Variants in WDR41 observed in about 807,000 individuals in gnomAD.
The protein encoded by WDR41 is WD repeat-containing protein 41.
In WDR41, 63 loss-of-function variants were observed where a neutral mutation model predicts 69.3. That is an observed-to-expected ratio of 0.91 (90% CI 0.74 to 1.12). The LOEUF (loss-of-function observed/expected upper bound fraction) is 1.12. Among genes scored for constraint, WDR41 ranks in the 50% most tolerant of loss-of-function variants. WDR41 has a pLI of 0.00. For missense variants in WDR41, 543 were observed against 534.5 expected (o/e 1.02, Z -0.16); for synonymous variants, 185 against 192.1 (o/e 0.96, Z 0.31).
intron 2 of WDR41, among the ~76,000 whole-genome samples, chr5:77,469,180 G>C (rs1245244915): frequency 6.6e-6 from 1 of 152,100 alleles, no homozygotes; most frequent in Non-Finnish European, 1.5e-5. Context: ...CTCATAGGTG[G>C]GAACTGAAGA....
chr5:77,562,121 A>C (rs1743538658), intron 1 of WDR41, among the ~76,000 whole-genome samples: 1 of 152,122 alleles, frequency 6.6e-6, no homozygotes, highest in Admixed American at 6.6e-5. Context: ...TGTGACCTTC[A>C]TGGTGGCTTA....
At chr5:77,451,030 G>A (rs920000994) in intron 7 of WDR41, among the ~76,000 whole-genome samples, 9 of 152,134 alleles carry the variant, frequency 5.9e-5, no homozygotes, top group Non-Finnish European at 1.3e-4. Context: ...ATATTATGAA[G>A]TGATCTTGAG....
At chr5:77,476,539 A>AT (rs1303789691) in intron 2 of WDR41, among the ~76,000 whole-genome samples, 1 of 151,886 alleles carries the variant, frequency 6.6e-6, no homozygotes, top group African/African-American at 2.4e-5. Flanking sequence ...AAAGAAAAGA[A>AT]TTTTCAACCC....
chr5:77,575,809 G>A (rs1317367589), intron 1 of WDR41, among the ~76,000 whole-genome samples: 1 of 152,104 alleles, frequency 6.6e-6, no homozygotes, highest in Non-Finnish European at 1.5e-5. Context: ...CATGGAATTT[G>A]TATATGGAGA....
At chr5:77,614,719 A>G (rs1267526379) in intron 1 of WDR41, among the ~76,000 whole-genome samples, 1 of 150,918 alleles carries the variant, frequency 6.6e-6, no homozygotes, top group African/African-American at 2.4e-5. Flanking sequence ...TAATGGGTGC[A>G]GCACACCAGC....
chr5:77,551,934 G>A (rs944237482), intron 1 of WDR41, among the ~76,000 whole-genome samples: 10 of 150,726 alleles, frequency 6.6e-5, no homozygotes, highest in Admixed American at 1.3e-4. Context: ...AGCCGAGATC[G>A]TGCCACTGCA....
chr5:77,512,745 CAAA>C (rs71606301), intron 1 of WDR41, among the ~76,000 whole-genome samples: 1,226 of 74,024 alleles, frequency 0.017, 7 homozygotes, highest in Middle Eastern at 0.051. Context: ...GACTCCATCT[CAAA>C]AAAAAAAAAA....
intron 1 of WDR41, among the ~76,000 whole-genome samples, chr5:77,508,792 G>C (rs549120836): frequency 7.6e-6 from 1 of 132,268 alleles, no homozygotes; most frequent in African/African-American, 3.2e-5. Flanking sequence ...TTAGTGGTCT[G>C]TTTCTCTCCC....
intron 6 of WDR41, 62 bp from the exon 7 acceptor site, chr5:77,451,415 A>G (rs1431910190): frequency 1.3e-6 from 2 of 1,486,834 alleles, no homozygotes; most frequent in Non-Finnish European, 1.9e-6. Context: ...CAAAAACAAA[A>G]ACATTCTCAG....
chr5:77,435,513 A>T (rs1199179497), intron 12 of WDR41, among the ~76,000 whole-genome samples: 2 of 152,220 alleles, frequency 1.3e-5, no homozygotes, highest in East Asian at 3.9e-4. Context: ...ATGCTCACTA[A>T]CAAGGATGCT....
At chr5:77,443,968 C>T (rs1173062458) in intron 8 of WDR41, among the ~76,000 whole-genome samples, 1 of 150,968 alleles carries the variant, frequency 6.6e-6, no homozygotes, top group African/African-American at 2.4e-5. Flanking sequence ...CTGTAACCTC[C>T]ACCTCCCAAG....
At chr5:77,611,519 A>G (rs1346809529) in intron 1 of WDR41, among the ~76,000 whole-genome samples, 21 of 152,306 alleles carry the variant, frequency 1.4e-4, no homozygotes, top group African/African-American at 5.1e-4. Flanking sequence ...AAACCGCTCA[A>G]CTACATGGAA....
chr5:77,485,105 G>A (rs1396269740), intron 2 of WDR41, among the ~76,000 whole-genome samples: 1 of 152,186 alleles, frequency 6.6e-6, no homozygotes, highest in East Asian at 1.9e-4. Context: ...ATCAGAGTCT[G>A]AGACAGCTCC....
intron 1 of WDR41, among the ~76,000 whole-genome samples, chr5:77,517,598 C>T (rs1042997840): frequency 1.4e-4 from 20 of 147,282 alleles, no homozygotes; most frequent in Non-Finnish European, 1.5e-4. Flanking sequence ...CTAGAAAATT[C>T]TAACATATTG....
At chr5:77,528,404 C>G (rs1216807763) in intron 1 of WDR41, among the ~76,000 whole-genome samples, 1 of 151,598 alleles carries the variant, frequency 6.6e-6, no homozygotes, top group Admixed American at 6.6e-5. Context: ...TTAAATCCAC[C>G]AAGGAAGCTT....
rs918649998 is a variant in WDR41, at chr5:77,504,820, A to C, written c.43-15248T>G. Among the ~76,000 whole-genome samples, 8 of 152,338 alleles carry C rather than the reference A, an allele frequency of 5.3e-5. No homozygotes were observed. The East Asian group carries it at 9.6e-4, about 18-fold the overall frequency. ...GCAGTAAAGGCCTTCGACAAAATTC[A>C]ACAGCCCTTCACGCTAAAAACTCTC... On this transcript the variant is annotated intron_variant, in intron 1 of 5. Transcript: ENST00000509971.
chr5:77,503,608 T>C (rs144650444), intron 1 of WDR41, among the ~76,000 whole-genome samples: 2,914 of 152,250 alleles, frequency 0.019, 82 homozygotes, highest in Middle Eastern at 0.044. Flanking sequence ...TATTCTAAAA[T>C]TGACCACATA....
chr5:77,434,953 C>A (rs1485091070), intron 12 of WDR41, among the ~76,000 whole-genome samples: 1 of 152,078 alleles, frequency 6.6e-6, no homozygotes, highest in Non-Finnish European at 1.5e-5. Flanking sequence ...AAAATAAAGT[C>A]CAAACTCCTC....
chr5:77,529,435 A>T (rs1033133566), intron 1 of WDR41, among the ~76,000 whole-genome samples: 1 of 151,558 alleles, frequency 6.6e-6, no homozygotes, highest in African/African-American at 2.4e-5. Context: ...AATTATAAAG[A>T]TGTCAATTCT....
Sources: allele counts gnomAD v4.1 joint callset (sites outside exome capture counted in the v4.1 genomes callset), GRCh38; gene constraint gnomAD v4.1.1; transcripts MANE v1.5; gene names NCBI Gene and HGNC (gene_info 2026-07-23, HGNC 2026-07-21).